TPTE2: variants seen among roughly 807,000 people sequenced by gnomAD.
TPTE2 encodes the protein phosphatidylinositol 3,4,5-trisphosphate 3-phosphatase TPTE2.
In TPTE2, 53 loss-of-function variants were observed where a neutral mutation model predicts 78.6. The observed-to-expected ratio is 0.67, with a 90% CI of 0.54 to 0.85. The LOEUF is 0.85. Ranked by LOEUF, TPTE2 falls within the 40% of genes least tolerant of loss-of-function variation. The pLI is 0.00. For synonymous variants in TPTE2, 175 were observed against 206.2 expected (o/e 0.85, Z 1.30); for missense variants, 461 against 623.0 (o/e 0.74, Z 2.77).
chr13:19,541,382 C>CA (rs1159837149), upstream of TPTE2, among the ~76,000 whole-genome samples: 4 of 152,200 alleles, frequency 2.6e-5, no homozygotes, highest in Admixed American at 2.6e-4. Flanking sequence ...CATCCACACT[C>CA]AAAGAGAGGT....
the TPTE2 span, among the ~76,000 whole-genome samples, chr13:19,554,600 G>A: frequency 2.6e-5 from 4 of 151,874 alleles, no homozygotes; most frequent in African/African-American, 9.7e-5. Flanking sequence ...GTACATATCT[G>A]TAATATTTCC....
At chr13:19,460,227 C>T (rs919156075) in intron 10 of TPTE2, among the ~76,000 whole-genome samples, 3 of 152,210 alleles carry the variant, frequency 2.0e-5, no homozygotes, top group African/African-American at 7.2e-5. Flanking sequence ...TGATCCATGG[C>T]TTGCAAAGAT....
chr13:19,507,594 C>T (rs953886961), upstream of TPTE2, among the ~76,000 whole-genome samples: 16 of 152,274 alleles, frequency 1.1e-4, no homozygotes, highest in African/African-American at 2.9e-4. Flanking sequence ...TTTAATTAAA[C>T]GAAATTTTCC....
intron 1 of TPTE2, among the ~76,000 whole-genome samples, chr13:19,528,660 T>C (rs1380385387): frequency 6.6e-6 from 1 of 152,160 alleles, no homozygotes; most frequent in Non-Finnish European, 1.5e-5. Flanking sequence ...TTCCTCCAGT[T>C]CTCGCTAGCT....
chr13:19,458,519 T>C, intron 10 of TPTE2: 3 of 390,286 alleles, frequency 7.7e-6, no homozygotes, highest in Non-Finnish European at 1.5e-5. Flanking sequence ...CTCAAAATAC[T>C]CTATCAGTGT....
intron 1 of TPTE2, among the ~76,000 whole-genome samples, chr13:19,524,192 T>C (rs116565513): frequency 0.025 from 3,853 of 152,214 alleles, 126 homozygotes; most frequent in African/African-American, 0.074. Flanking sequence ...GACCAAAATC[T>C]GCTATATATT....
At chr13:19,539,611 CA>C (rs1339614864), upstream of TPTE2, among the ~76,000 whole-genome samples, 7 of 152,162 alleles carry the variant, frequency 4.6e-5, no homozygotes, top group African/African-American at 1.7e-4. Flanking sequence ...CTGATTTTAT[CA>C]CGTGTCAAAT....
chr13:19,422,975 G>A, exon 20 of TPTE2: 1 of 1,529,328 alleles, frequency 6.5e-7, no homozygotes. Flanking sequence ...ATGAACATGT[G>A]GCAGGGGTTG....
upstream of TPTE2, among the ~76,000 whole-genome samples, chr13:19,505,571 A>T (rs1868953922): frequency 1.3e-5 from 2 of 152,064 alleles, no homozygotes; most frequent in Non-Finnish European, 2.9e-5. Context: ...TCCTGCCCAG[A>T]AGATATGACC....
chr13:19,465,651 A>G, intron 7 of TPTE2, 87 bp from the exon 11 acceptor site: 3 of 1,172,412 alleles, frequency 2.6e-6, no homozygotes, highest in Non-Finnish European at 1.2e-6. Context: ...GTTGTTAACC[A>G]GAGGCAATTT....
intron 6 of TPTE2, among the ~76,000 whole-genome samples, chr13:19,470,380 A>C (rs1002571717): frequency 5.3e-5 from 8 of 152,152 alleles, no homozygotes; most frequent in African/African-American, 1.9e-4. Flanking sequence ...GACACATCCC[A>C]CTTGTCATGA....
intron 10 of TPTE2, among the ~76,000 whole-genome samples, chr13:19,462,954 A>C (rs1371993143): frequency 6.6e-6 from 1 of 150,996 alleles, no homozygotes; most frequent in Non-Finnish European, 1.5e-5. Context: ...TTTTGGCCAT[A>C]TCTCTCCCAT....
At chr13:19,427,271 G>A (rs889815997) in intron 17 of TPTE2, among the ~76,000 whole-genome samples, 1 of 151,128 alleles carries the variant, frequency 6.6e-6, no homozygotes, top group African/African-American at 2.4e-5. Context: ...TTTTAGTGGA[G>A]ACGGGGTTTC....
At chr13:19,437,265 T>C (rs554828783) in intron 14 of TPTE2, among the ~76,000 whole-genome samples, 6 of 152,156 alleles carry the variant, frequency 3.9e-5, no homozygotes, top group Non-Finnish European at 8.8e-5. Context: ...GTGGTGGAAT[T>C]GGAGTCTGGG....
chr13:19,497,554 T>A (rs9508196), intron 1 of TPTE2, among the ~76,000 whole-genome samples: 1 of 58,978 alleles, frequency 1.7e-5, no homozygotes, highest in African/African-American at 3.9e-5. Context: ...ACACCTCACA[T>A]GGCAGGGTAT....
chr13:19,492,891 A>C (rs1881081797), exon 3 of TPTE2: 1 of 1,613,934 alleles, frequency 6.2e-7, no homozygotes, highest in East Asian at 2.2e-5. Context: ...CTTTAAATTC[A>C]CTTGTGTGTG....
chr13:19,423,008 G>A, exon 20 of TPTE2: 1 of 1,595,246 alleles, frequency 6.3e-7, no homozygotes, highest in East Asian at 2.3e-5. Flanking sequence ...TTCTTTCCCA[G>A]AAGGGGAAGG....
intron 13 of TPTE2, among the ~76,000 whole-genome samples, chr13:19,446,559 T>TC (rs1877849302): frequency 6.6e-6 from 1 of 152,114 alleles, no homozygotes; most frequent in African/African-American, 2.4e-5. Flanking sequence ...CTTTACTATA[T>TC]CAGTATAGGG....
intron 3 of TPTE2, among the ~76,000 whole-genome samples, chr13:19,492,404 T>C (rs1360855215): frequency 1.3e-5 from 2 of 152,166 alleles, no homozygotes; most frequent in Non-Finnish European, 2.9e-5. Context: ...TCATCCATGT[T>C]GCAAATAGGA....
Sources: gnomAD v4.1 joint callset for allele counts (sites outside exome capture counted in the v4.1 genomes callset) on GRCh38, gnomAD v4.1.1 for gene constraint, MANE v1.5 for transcripts, NCBI Gene and HGNC (gene_info 2026-07-23, HGNC 2026-07-21) for gene names.